Variants in EYS observed in about 807,000 individuals in gnomAD.
The protein encoded by EYS is protein eyes shut homolog.
In EYS, 250 loss-of-function variants were observed where a neutral mutation model predicts 282.1. The ratio of observed to expected loss-of-function variants is 0.89; its 90% CI spans 0.80 to 0.98. The LOEUF (loss-of-function observed/expected upper bound fraction) is 0.98. EYS is among the 50% of genes least tolerant of loss of function. The pLI, the probability that EYS is intolerant of heterozygous loss-of-function variation, is 0.00. For synonymous variants in EYS, 1,355 were observed against 1,282.9 expected, an observed-to-expected ratio of 1.06 and a Z score of -1.20; for missense variants, 4,016 against 3,709.0, an observed-to-expected ratio of 1.08 and a Z score of -2.15.
intron 15 of EYS, among the ~76,000 whole-genome samples, chr6:64,933,343 C>G (rs1205084267): frequency 6.6e-6 from 1 of 151,996 alleles, no homozygotes; most frequent in Admixed American, 6.6e-5. Flanking sequence ...AGATACTTCT[C>G]AAAAGGAGAC....
At chr6:64,791,060 G>T (rs1398130956) in intron 22 of EYS, among the ~76,000 whole-genome samples, 2 of 151,742 alleles carry the variant, frequency 1.3e-5, no homozygotes, top group African/African-American at 4.8e-5. Context: ...CCTTCCTGTA[G>T]ATAAAAGCCT....
At chr6:65,457,887 AGCTTGAGTAGCT>A (rs1195851456) in intron 5 of EYS, among the ~76,000 whole-genome samples, 1 of 152,168 alleles carries the variant, frequency 6.6e-6, no homozygotes, top group African/African-American at 2.4e-5. Flanking sequence ...AGCCATTGAA[AGCTTGAGTAGCT>A]GCTCAAGCTC....
intron 31 of EYS, among the ~76,000 whole-genome samples, chr6:64,095,999 C>T (rs1772596304): frequency 6.6e-6 from 1 of 152,140 alleles, no homozygotes; most frequent in African/African-American, 2.4e-5. Flanking sequence ...TATTTTATTT[C>T]TCCACTTATG....
chr6:64,093,766 C>T (rs1413945232), intron 31 of EYS, among the ~76,000 whole-genome samples: 4 of 152,114 alleles, frequency 2.6e-5, no homozygotes, highest in South Asian at 2.1e-4. Context: ...TGCCTGATTG[C>T]CCTGGCCAGA....
chr6:64,105,360 A>G (rs1772972777), intron 31 of EYS, among the ~76,000 whole-genome samples: 1 of 152,088 alleles, frequency 6.6e-6, no homozygotes, highest in Non-Finnish European at 1.5e-5. Flanking sequence ...AGTAGTTTGC[A>G]TATACTTCCT....
chr6:64,786,392 C>G (rs985569976), intron 22 of EYS, among the ~76,000 whole-genome samples: 1 of 151,972 alleles, frequency 6.6e-6, no homozygotes, highest in African/African-American at 2.4e-5. Flanking sequence ...TTGCATAGGG[C>G]TCAGGGGATT....
chr6:65,596,860 T>C (rs1765426949), intron 2 of EYS, among the ~76,000 whole-genome samples: 1 of 152,062 alleles, frequency 6.6e-6, no homozygotes, highest in South Asian at 2.1e-4. Flanking sequence ...TCTAAGTATT[T>C]AGTGGGATGA....
chr6:63,969,370 CTTT>C (rs956458495), intron 35 of EYS, among the ~76,000 whole-genome samples: 3 of 152,164 alleles, frequency 2.0e-5, no homozygotes, highest in African/African-American at 7.2e-5. Flanking sequence ...CCTAACCCGG[CTTT>C]TATGAATTTG....
At chr6:64,885,885 T>C (rs1767070182) in intron 19 of EYS, among the ~76,000 whole-genome samples, 1 of 151,776 alleles carries the variant, frequency 6.6e-6, no homozygotes, top group South Asian at 2.1e-4. Context: ...TATTATTTTA[T>C]CCCTGCTGGC....
At chr6:65,379,020 A>C (rs1765507116) in intron 8 of EYS, among the ~76,000 whole-genome samples, 2 of 152,088 alleles carry the variant, frequency 1.3e-5, no homozygotes, top group South Asian at 4.1e-4. Flanking sequence ...GTACCCCAGA[A>C]TTTAATGTAC....
At chr6:65,135,067 G>A (rs1005537981) in intron 12 of EYS, among the ~76,000 whole-genome samples, 4 of 152,014 alleles carry the variant, frequency 2.6e-5, no homozygotes, top group African/African-American at 9.7e-5. Flanking sequence ...GTTGAATGGT[G>A]AGTGATGACA....
intron 33 of EYS, among the ~76,000 whole-genome samples, chr6:64,039,834 A>G (rs908198533): frequency 9.2e-5 from 14 of 152,062 alleles, no homozygotes; most frequent in Non-Finnish European, 1.8e-4. Context: ...CTTTTCTTTT[A>G]TTTGTACATA....
chr6:65,648,353 T>TAC (rs1767532714), intron 1 of EYS, among the ~76,000 whole-genome samples: 1 of 150,710 alleles, frequency 6.6e-6, no homozygotes, highest in Non-Finnish European at 1.5e-5. Context: ...TGTGTGTGTA[T>TAC]ACCATAGAAT....
chr6:64,082,880 C>T (rs1287511942), intron 31 of EYS, among the ~76,000 whole-genome samples: 3 of 149,792 alleles, frequency 2.0e-5, no homozygotes, highest in African/African-American at 7.4e-5. Context: ...ACTTCTTTAA[C>T]ATTTGGTAAT....
At chr6:65,037,426 G>A (rs556302025) in intron 13 of EYS, among the ~76,000 whole-genome samples, 9 of 151,570 alleles carry the variant, frequency 5.9e-5, no homozygotes, top group African/African-American at 2.2e-4. Context: ...CACAATTTTC[G>A]CACGTTATAT....
intron 41 of EYS, among the ~76,000 whole-genome samples, chr6:63,737,782 A>G (rs1380972773): frequency 6.6e-6 from 1 of 152,226 alleles, no homozygotes; most frequent in Non-Finnish European, 1.5e-5. Flanking sequence ...AGAAACTACC[A>G]TCAGAGTGAA....
chr6:65,671,680 G>C (rs1768395018), intron 1 of EYS, among the ~76,000 whole-genome samples: 3 of 152,068 alleles, frequency 2.0e-5, no homozygotes, highest in Non-Finnish European at 4.4e-5. Context: ...CCAGCCAAGA[G>C]ACTCCTATAG....
chr6:64,148,133 T>C (rs1244884443), intron 31 of EYS, among the ~76,000 whole-genome samples: 1 of 152,150 alleles, frequency 6.6e-6, no homozygotes, highest in Non-Finnish European at 1.5e-5. Context: ...CACTGAAAAA[T>C]ATAGAATATA....
chr6:65,375,023 C>T (rs1307248797), intron 8 of EYS, among the ~76,000 whole-genome samples: 1 of 152,176 alleles, frequency 6.6e-6, no homozygotes, highest in East Asian at 1.9e-4. Context: ...GCACAGCGCT[C>T]CAGCTCTGCT....
Sources: gnomAD v4.1 joint callset for allele counts (sites outside exome capture counted in the v4.1 genomes callset) on GRCh38, gnomAD v4.1.1 for gene constraint, MANE v1.5 for transcripts, NCBI Gene and HGNC (gene_info 2026-07-23, HGNC 2026-07-21) for gene names.